SYN3: variants seen among roughly 807,000 people sequenced by gnomAD.
SYN3 encodes the protein synapsin III, also known as synapsin-3.
In SYN3, 35 loss-of-function variants were observed where a neutral mutation model predicts 65.8. The observed-to-expected ratio is 0.53, with a 90% CI of 0.41 to 0.70. The LOEUF (loss-of-function observed/expected upper bound fraction) is 0.70, where lower values mean the gene tolerates loss of function less well. Among genes scored for constraint, SYN3 ranks in the 30% least tolerant of loss-of-function variants. SYN3 has a pLI of 0.00. For missense variants in SYN3, 680 were observed against 749.0 expected, an observed-to-expected ratio of 0.91 and a Z score of 1.08; for synonymous variants, 270 against 292.9, an observed-to-expected ratio of 0.92 and a Z score of 0.80.
chr22:33,003,691 T>C (rs2053126025), intron 2 of SYN3, among the ~76,000 whole-genome samples: 2 of 152,190 alleles, frequency 1.3e-5, no homozygotes, highest in African/African-American at 4.8e-5. Context: ...GACAATGTGA[T>C]AGAAAAGAAA....
At chr22:32,529,121 G>T in intron 10 of SYN3, 113 bp from the exon 11 acceptor site, 2 of 1,336,670 alleles carry the variant, frequency 1.5e-6, no homozygotes, top group Non-Finnish European at 2.1e-6. Flanking sequence ...CCACCAGATG[G>T]CGATGTCCTC....
intron 6 of SYN3, among the ~76,000 whole-genome samples, chr22:32,601,353 C>T (rs1223633660): frequency 1.3e-5 from 2 of 151,906 alleles, no homozygotes; most frequent in African/African-American, 2.4e-5. Flanking sequence ...TCTCAGCTCA[C>T]TGCAAGCTCT....
At chr22:32,655,775 T>C (rs2060134187) in intron 6 of SYN3, among the ~76,000 whole-genome samples, 1 of 152,208 alleles carries the variant, frequency 6.6e-6, no homozygotes, top group African/African-American at 2.4e-5. Flanking sequence ...AATTATTTCA[T>C]TGCATATTGT....
At chr22:32,829,166 C>A (rs1424196518) in intron 6 of SYN3, among the ~76,000 whole-genome samples, 1 of 152,102 alleles carries the variant, frequency 6.6e-6, no homozygotes, top group Admixed American at 6.5e-5. Flanking sequence ...CTTAGCAGCT[C>A]CCCCATCCCA....
intron 6 of SYN3, among the ~76,000 whole-genome samples, chr22:32,701,606 A>G (rs1441113044): frequency 6.6e-6 from 1 of 152,208 alleles, no homozygotes; most frequent in Non-Finnish European, 1.5e-5. Flanking sequence ...ATGCTCATAG[A>G]ATTTATAGAG....
At chr22:32,585,945 TATAC>T (rs1243279468) in intron 7 of SYN3, among the ~76,000 whole-genome samples, 8,572 of 34,932 alleles carry the variant, frequency 0.25, 696 homozygotes, top group East Asian at 0.44. Context: ...TATGTGTATG[TATAC>T]ATATATGTGT....
intron 3 of SYN3, among the ~76,000 whole-genome samples, chr22:32,961,368 C>T (rs988954961): frequency 6.6e-6 from 1 of 152,078 alleles, no homozygotes; most frequent in African/African-American, 2.4e-5. Flanking sequence ...CAAGGATGCC[C>T]AACAGTTCAC....
At chr22:32,844,083 T>C (rs1437698575) in intron 6 of SYN3, among the ~76,000 whole-genome samples, 3 of 152,054 alleles carry the variant, frequency 2.0e-5, no homozygotes, top group African/African-American at 4.8e-5. Context: ...AGTTAAGGAG[T>C]CCTTGATCCC....
chr22:33,005,208 C>T (rs1242860680), intron 2 of SYN3, among the ~76,000 whole-genome samples: 2 of 152,200 alleles, frequency 1.3e-5, no homozygotes, highest in African/African-American at 4.8e-5. Context: ...TGAGAACAGA[C>T]TGATACACCT....
At chr22:32,536,667 T>C (rs2058171069) in intron 9 of SYN3, among the ~76,000 whole-genome samples, 1 of 152,166 alleles carries the variant, frequency 6.6e-6, no homozygotes, top group African/African-American at 2.4e-5. Flanking sequence ...TAGGCTTTGG[T>C]TGAAATGACT....
chr22:33,000,653 C>T (rs1760506035), intron 2 of SYN3, among the ~76,000 whole-genome samples: 1 of 152,176 alleles, frequency 6.6e-6, no homozygotes, highest in Admixed American at 6.5e-5. Flanking sequence ...ATCATCGTCC[C>T]CGTTGGGGTT....
Position 32,510,551 on chromosome 22 carries a change from A to C in SYN3, c.*3141T>G, listed in dbSNP as rs1393841172. Among the ~76,000 whole-genome samples, 3 of 152,208 alleles carry C rather than the reference A, an allele frequency of 2.0e-5. No homozygotes were observed. The East Asian group carries it at 5.8e-4, about 29-fold the overall frequency. On this transcript the variant is annotated 3_prime_UTR_variant, in exon 14 of 14. Transcript: ENST00000358763. ...ACCTCATGGTTACACCCTGCCCTACAAGTTTTCTCTTACCCGTTTATTCAG... is the reference window on the plus strand; with the variant it reads ...ACCTCATGGTTACACCCTGCCCTACCAGTTTTCTCTTACCCGTTTATTCAG...
intron 3 of SYN3, among the ~76,000 whole-genome samples, chr22:32,963,918 T>C (rs1289904364): frequency 6.6e-6 from 1 of 152,174 alleles, no homozygotes; most frequent in Non-Finnish European, 1.5e-5. Context: ...TTCTGGCACT[T>C]GGCTGGCCCA....
chr22:32,525,034 T>C (rs1189955091), intron 12 of SYN3, among the ~76,000 whole-genome samples: 3 of 152,168 alleles, frequency 2.0e-5, no homozygotes, highest in Non-Finnish European at 2.9e-5. Context: ...ATTTTTTTCA[T>C]AAAGCTATAG....
chr22:32,670,891 C>T (rs892612510), intron 6 of SYN3, among the ~76,000 whole-genome samples: 7 of 152,186 alleles, frequency 4.6e-5, no homozygotes, highest in African/African-American at 9.6e-5. Flanking sequence ...GGGATTCCCC[C>T]CTTCCTAAAA....
intron 6 of SYN3, among the ~76,000 whole-genome samples, chr22:32,773,503 C>T (rs58431752): frequency 0.078 from 11,772 of 151,262 alleles, 469 homozygotes; most frequent in African/African-American, 0.11. Flanking sequence ...AGATCTGAGA[C>T]GGCCAGATCC....
chr22:32,577,020 C>T (rs1221981136), intron 7 of SYN3, among the ~76,000 whole-genome samples: 1 of 152,076 alleles, frequency 6.6e-6, no homozygotes, highest in Non-Finnish European at 1.5e-5. Flanking sequence ...CAGGGCTTGT[C>T]CACACTGGCT....
intron 1 of SYN3, among the ~76,000 whole-genome samples, chr22:33,048,481 G>C (rs553320506): frequency 6.6e-6 from 1 of 152,246 alleles, no homozygotes; most frequent in Non-Finnish European, 1.5e-5. Context: ...GGTGATGGGG[G>C]TGGATCCCTC....
chr22:32,828,471 C>T (rs896150893), intron 6 of SYN3, among the ~76,000 whole-genome samples: 4 of 152,244 alleles, frequency 2.6e-5, no homozygotes, highest in Non-Finnish European at 5.9e-5. Flanking sequence ...GGGTGCTGTG[C>T]ACCCAGGAAA....
Sources: gnomAD v4.1 joint callset for allele counts (sites outside exome capture counted in the v4.1 genomes callset) on GRCh38, gnomAD v4.1.1 for gene constraint, MANE v1.5 for transcripts, NCBI Gene and HGNC (gene_info 2026-07-23, HGNC 2026-07-21) for gene names.